The following ACSL3 variants were observed in gnomAD, a reference collection of about 807,000 sequenced individuals.
ACSL3 encodes fatty acid CoA ligase Acsl3.
Under a neutral mutation model 84.7 loss-of-function variants are expected in ACSL3, and 34 were observed. The observed-to-expected ratio is 0.40, with a 90% CI of 0.31 to 0.53. The LOEUF (loss-of-function observed/expected upper bound fraction) is 0.53, where lower values mean the gene tolerates loss of function less well. Ranked by LOEUF, ACSL3 falls within the 20% of genes least tolerant of loss-of-function variation. ACSL3 has a pLI of 0.48. For missense variants in ACSL3, 680 were observed against 873.1 expected, an observed-to-expected ratio of 0.78 and a Z score of 2.79; for synonymous variants, 315 against 299.4, an observed-to-expected ratio of 1.05 and a Z score of -0.54.
intron 12 of ACSL3, 32 bp from the exon 13 acceptor site, chr2:222,928,830 C>G: frequency 6.4e-7 from 1 of 1,573,122 alleles, no homozygotes; most frequent in South Asian, 1.1e-5. Flanking sequence ...AGCTACTGTT[C>G]TCAAATATCC....
intron 3 of ACSL3, among the ~76,000 whole-genome samples, chr2:222,905,921 T>A (rs1696280189): frequency 6.6e-6 from 1 of 152,138 alleles, no homozygotes; most frequent in Non-Finnish European, 1.5e-5. Flanking sequence ...TTGAACATAT[T>A]TATAATAGCT....
intron 11 of ACSL3, among the ~76,000 whole-genome samples, 186 bp downstream of exon 11, chr2:222,924,781 T>C (rs937881290): frequency 2.0e-5 from 3 of 152,086 alleles, no homozygotes; most frequent in African/African-American, 7.2e-5. Flanking sequence ...CCCAGCACTT[T>C]GGGAGGCCGA....
intron 16 of ACSL3, among the ~76,000 whole-genome samples, chr2:222,939,462 A>G (rs971807628): frequency 3.9e-5 from 6 of 152,000 alleles, no homozygotes; most frequent in African/African-American, 1.5e-4. Context: ...AGCTCTACCT[A>G]GTGTCTGTGA....
At chr2:222,919,266 C>A in intron 7 of ACSL3, 64 bp downstream of exon 7, 1 of 1,566,406 alleles carries the variant, frequency 6.4e-7, no homozygotes, top group Non-Finnish European at 8.7e-7. Context: ...CAGAATTATG[C>A]CAAAGTTTTG....
chr2:222,895,136 C>T (rs1260356122), intron 2 of ACSL3, among the ~76,000 whole-genome samples: 1 of 152,158 alleles, frequency 6.6e-6, no homozygotes, highest in Non-Finnish European at 1.5e-5. Context: ...ATTCCTTTTC[C>T]ATGACCATTC....
chr2:222,914,523 A>G (rs956592002), intron 4 of ACSL3, among the ~76,000 whole-genome samples: 3 of 152,060 alleles, frequency 2.0e-5, no homozygotes, highest in African/African-American at 4.8e-5. Context: ...CAGCCTTCCA[A>G]AGTGTTGAGA....
chr2:222,929,172 A>G (rs1236117400), intron 13 of ACSL3, among the ~76,000 whole-genome samples: 1 of 152,244 alleles, frequency 6.6e-6, no homozygotes, highest in East Asian at 1.9e-4. Flanking sequence ...AGTAAGAATT[A>G]TGGCAAAAAC....
At chr2:222,894,308 A>C (rs1574532878) in intron 2 of ACSL3, among the ~76,000 whole-genome samples, 1 of 152,224 alleles carries the variant, frequency 6.6e-6, no homozygotes, top group Admixed American at 6.5e-5. Context: ...AATAGAGGTC[A>C]TACAGAGAAG....
chr2:222,868,202 C>CT (rs1391241483), intron 1 of ACSL3, among the ~76,000 whole-genome samples: 1 of 151,926 alleles, frequency 6.6e-6, no homozygotes, highest in Non-Finnish European at 1.5e-5. Flanking sequence ...ATGTAGTGCA[C>CT]TTTTTTCATT....
chr2:222,894,728 A>T (rs1241952067), intron 2 of ACSL3, among the ~76,000 whole-genome samples: 1 of 152,054 alleles, frequency 6.6e-6, no homozygotes, highest in African/African-American at 2.4e-5. Context: ...GAAGCCAGGC[A>T]TGCCCGTGTA....
intron 1 of ACSL3, among the ~76,000 whole-genome samples, chr2:222,880,837 A>AC (rs958550492): frequency 1.3e-5 from 2 of 151,414 alleles, no homozygotes; most frequent in African/African-American, 4.9e-5. Context: ...CTCCCAAAAA[A>AC]AAAAAAAACA....
At chr2:222,870,893 A>C (rs1457046054) in intron 1 of ACSL3, among the ~76,000 whole-genome samples, 1 of 152,098 alleles carries the variant, frequency 6.6e-6, no homozygotes, top group African/African-American at 2.4e-5. Context: ...GGGAATTGAG[A>C]TTCTTGAAGA....
chr2:222,901,293 C>T (rs1574539212), intron 3 of ACSL3, among the ~76,000 whole-genome samples: 1 of 152,140 alleles, frequency 6.6e-6, no homozygotes, highest in Non-Finnish European at 1.5e-5. Context: ...TATTTCAGTA[C>T]CATTTGTTGA....
intron 2 of ACSL3, among the ~76,000 whole-genome samples, chr2:222,896,331 AT>A (rs1214256129): frequency 4.2e-4 from 5 of 11,898 alleles, no homozygotes; most frequent in Non-Finnish European, 5.0e-4. Flanking sequence ...CGGGGGGCTG[AT>A]CCCCCCACCT....
At chr2:222,881,904 C>A (rs545063024) in intron 1 of ACSL3, among the ~76,000 whole-genome samples, 11 of 152,208 alleles carry the variant, frequency 7.2e-5, no homozygotes, top group Non-Finnish European at 1.3e-4. Flanking sequence ...ATAAAGAATT[C>A]TCATGGTGAA....
In ACSL3 at chr2:222,941,690, T is replaced by C. The variant is rs768641079; in HGVS notation, c.*36T>C. On this transcript the variant is annotated 3_prime_UTR_variant, in exon 17 of 17. Coordinates refer to ENST00000357430, the MANE Select transcript of ACSL3 (RefSeq NM_004457.5). Reference sequence around the variant, plus strand: ...CTGGCATCAGTTTGCTACAGTGAGCTCAGATCAAATAGGAAAATACTTGAA... The same window carrying C: ...CTGGCATCAGTTTGCTACAGTGAGCCCAGATCAAATAGGAAAATACTTGAA... 1 of 1,576,526 alleles carries C rather than the reference T, an allele frequency of 6.3e-7. No individual in the cohort carries two copies. The highest frequency in any genetic ancestry group is 8.6e-7 in the Non-Finnish European group (1 of 1,160,816).
At chr2:222,893,030 ATTG>A (rs2106104355) in intron 2 of ACSL3, among the ~76,000 whole-genome samples, 1 of 152,226 alleles carries the variant, frequency 6.6e-6, no homozygotes, top group Middle Eastern at 3.4e-3. Context: ...TATTATTATT[ATTG>A]TTATTTGCAG....
At chr2:222,918,997 A>G in intron 6 of ACSL3, 67 bp from the exon 7 acceptor site, 1 of 1,562,642 alleles carries the variant, frequency 6.4e-7, no homozygotes, top group Non-Finnish European at 8.7e-7. Context: ...AATATGGTAA[A>G]CTAGTATTCT....
chr2:222,906,754 A>G (rs191116603), intron 3 of ACSL3, among the ~76,000 whole-genome samples: 1 of 152,218 alleles, frequency 6.6e-6, no homozygotes, highest in African/African-American at 2.4e-5. Context: ...AGCTGGGACT[A>G]CAGGCGTGTA....
Sources: gnomAD v4.1 joint callset for allele counts (sites outside exome capture counted in the v4.1 genomes callset) on GRCh38, gnomAD v4.1.1 for gene constraint, MANE v1.5 for transcripts, NCBI Gene and HGNC (gene_info 2026-07-23, HGNC 2026-07-21) for gene names.